CAB39: variants seen among roughly 807,000 people sequenced by gnomAD.
CAB39 encodes the protein calcium-binding protein 39.
A neutral mutation model predicts 40.0 loss-of-function variants in CAB39; 8 were observed. The ratio of observed to expected loss-of-function variants is 0.20; its 90% CI spans 0.12 to 0.36. The LOEUF is 0.36. CAB39 is among the 10% of genes least tolerant of loss of function. The pLI, the probability that CAB39 is intolerant of heterozygous loss-of-function variation, is 1.00. For synonymous variants in CAB39, 156 were observed against 141.6 expected (o/e 1.10, Z -0.72); for missense variants, 270 against 401.1 (o/e 0.67, Z 2.79).
chr2:230,752,032 C>G (rs368099586), intron 1 of CAB39: 1 of 64,828 alleles, frequency 1.5e-5, no homozygotes, highest in Non-Finnish European at 3.0e-5. Context: ...TCTGACCACC[C>G]CCCCCCCCCC....
intron 2 of CAB39, among the ~76,000 whole-genome samples, chr2:230,783,458 G>GTTTTGTTTTT (rs1366924233): frequency 7.3e-6 from 1 of 137,238 alleles, no homozygotes; most frequent in Non-Finnish European, 1.7e-5. Flanking sequence ...GTTTTGTTTT[G>GTTTTGTTTTT]TTTTGTTTTG....
At chr2:230,714,899 A>G (rs962570619) in intron 1 of CAB39, among the ~76,000 whole-genome samples, 1 of 152,224 alleles carries the variant, frequency 6.6e-6, no homozygotes, top group African/African-American at 2.4e-5. Flanking sequence ...GTTTGCGTGT[A>G]TGACAAGTGA....
intron 2 of CAB39, among the ~76,000 whole-genome samples, chr2:230,774,059 T>A (rs1267514206): frequency 6.6e-6 from 1 of 152,196 alleles, no homozygotes; most frequent in Non-Finnish European, 1.5e-5. Context: ...TAGAATTGAT[T>A]CTGGTTTCCC....
chr2:230,805,727 G>A (rs1696181221), intron 5 of CAB39, among the ~76,000 whole-genome samples: 1 of 152,212 alleles, frequency 6.6e-6, no homozygotes, highest in Non-Finnish European at 1.5e-5. Flanking sequence ...CTACAAATCT[G>A]TTTTCATGGA....
rs546033667 is a variant in CAB39 at position 230,725,883 on chromosome 2, A to T, written c.-44+12653A>T. 2.0e-5 allele frequency among the ~76,000 whole-genome samples: 3 copies of T among 152,348 alleles called. No individual in the cohort carries two copies. In the East Asian group the frequency reaches 5.8e-4, roughly 29 times the overall value. ...AAGTACAGTTTTTCCATAAAAGGAA[A>T]AGATGGAATCTACAAATCATCAGAC... On this transcript the variant is annotated intron_variant, in intron 1 of 8. Coordinates refer to ENST00000258418, the MANE Select transcript of CAB39 (RefSeq NM_016289.4).
intron 2 of CAB39, among the ~76,000 whole-genome samples, chr2:230,761,574 C>T (rs1362344971): frequency 1.3e-5 from 2 of 152,136 alleles, no homozygotes; most frequent in Non-Finnish European, 2.9e-5. Flanking sequence ...CAGTGTAGTA[C>T]GGATGCTTTC....
chr2:230,729,744 A>AT (rs1245270534), intron 1 of CAB39, among the ~76,000 whole-genome samples: 2 of 136,366 alleles, frequency 1.5e-5, no homozygotes, highest in Non-Finnish European at 3.3e-5. Flanking sequence ...TGTCTTAAGG[A>AT]AAAAAAAAAA....
At chr2:230,747,523 ACT>A (rs1416831023) in intron 1 of CAB39, among the ~76,000 whole-genome samples, 1 of 152,286 alleles carries the variant, frequency 6.6e-6, no homozygotes, top group Admixed American at 6.5e-5. Flanking sequence ...GAACTTTGAG[ACT>A]CTGTAGAAGG....
At chr2:230,775,756 C>G (rs1395950148) in intron 2 of CAB39, among the ~76,000 whole-genome samples, 2 of 152,128 alleles carry the variant, frequency 1.3e-5, no homozygotes, top group Non-Finnish European at 2.9e-5. Context: ...TTATCTCTTG[C>G]AAGAGATCCC....
Position 230,789,877 on chromosome 2 carries a change from T to C in CAB39, c.115-995T>C, listed in dbSNP as rs537444067. Among the ~76,000 whole-genome samples, 721 of 152,342 alleles carry C rather than the reference T, an allele frequency of 4.7e-3. 5 individuals carry two copies. The highest frequency in any genetic ancestry group is 0.016 in the African/African-American group (676 of 41,568). ...AAGAAGGTAGGGTAATTATGAAGTT[T>C]CCCTCATTTGTTTCCTTCTCTCAGG... is the stretch of plus-strand genomic sequence containing the variant. On this transcript the variant is annotated intron_variant, in intron 2 of 8. Coordinates refer to ENST00000258418, the MANE Select transcript of CAB39 (RefSeq NM_016289.4).
rs147378529 is a variant in CAB39 at position 230,735,025 on chromosome 2, T to A, written c.-44+21795T>A. On this transcript the variant is annotated intron_variant, in intron 1 of 8. Coordinates refer to ENST00000258418, the MANE Select transcript of CAB39 (RefSeq NM_016289.4). ...TAGCATTTTGGCTTATCTCATCGGC[T>A]TGTTTTTCATTTACATTGTGCTCTT... Among the ~76,000 whole-genome samples, 14 of 152,322 alleles carry A rather than the reference T, an allele frequency of 9.2e-5. No individual in the cohort carries two copies. The East Asian group carries it at 2.7e-3, about 29-fold the overall frequency.
intron 6 of CAB39, among the ~76,000 whole-genome samples, chr2:230,813,246 C>G (rs1559619720): frequency 6.6e-6 from 1 of 152,244 alleles, no homozygotes. Context: ...AAGTGCCTGT[C>G]ATTTCGGTTT....
chr2:230,754,160 A>AT (rs1381578589), intron 1 of CAB39, among the ~76,000 whole-genome samples: 3 of 152,076 alleles, frequency 2.0e-5, no homozygotes, highest in African/African-American at 4.8e-5. Flanking sequence ...TTATTTTAAA[A>AT]TTTTTTTCCC....
intron 5 of CAB39, among the ~76,000 whole-genome samples, chr2:230,809,289 G>T (rs1227910289): frequency 6.6e-6 from 1 of 152,204 alleles, no homozygotes; most frequent in East Asian, 1.9e-4. Flanking sequence ...TTTCATTTCA[G>T]CATACTTCAA....
chr2:230,738,782 G>A (rs1045822434), intron 1 of CAB39, among the ~76,000 whole-genome samples: 2 of 152,198 alleles, frequency 1.3e-5, no homozygotes, highest in African/African-American at 2.4e-5. Flanking sequence ...AACAGAAATA[G>A]CAATGCTTAG....
At chr2:230,725,223 C>G in intron 1 of CAB39, 1 of 1,596,236 alleles carries the variant, frequency 6.3e-7, no homozygotes, top group Non-Finnish European at 8.6e-7. Context: ...TTCAGCCATT[C>G]CCGGTAGAGG....
intron 5 of CAB39, among the ~76,000 whole-genome samples, chr2:230,809,293 A>C (rs1027025934): frequency 2.0e-5 from 3 of 152,206 alleles, no homozygotes; most frequent in Non-Finnish European, 2.9e-5. Flanking sequence ...ATTTCAGCAT[A>C]CTTCAAGAAA....
intron 1 of CAB39, among the ~76,000 whole-genome samples, chr2:230,742,392 G>A (rs62193624): frequency 0.018 from 2,767 of 152,136 alleles, 44 homozygotes; most frequent in Non-Finnish European, 0.027. Flanking sequence ...AGCCAGGATG[G>A]TCTCGATCTC....
chr2:230,793,390 GGGAAAAAAA>G (rs1695924286), intron 4 of CAB39, 59 bp downstream of exon 4: 2 of 825,504 alleles, frequency 2.4e-6, no homozygotes, highest in Non-Finnish European at 3.7e-6. Context: ...GGATTGCCTT[GGGAAAAAAA>G]ACAGGATGCT....
Sources: allele counts gnomAD v4.1 joint callset (sites outside exome capture counted in the v4.1 genomes callset), GRCh38; gene constraint gnomAD v4.1.1; transcripts MANE v1.5; gene names NCBI Gene and HGNC (gene_info 2026-07-23, HGNC 2026-07-21).